FRMD4B: variants seen among roughly 807,000 people sequenced by gnomAD.
The protein encoded by FRMD4B is FERM domain containing 4B.
In FRMD4B, 74 loss-of-function variants were observed where a neutral mutation model predicts 141.5. The ratio of observed to expected loss-of-function variants is 0.52; its 90% CI spans 0.43 to 0.63. The LOEUF is 0.63. Ranked by LOEUF, FRMD4B falls within the 30% of genes least tolerant of loss-of-function variation. The probability of loss-of-function intolerance (pLI) is 0.00; values close to 1 mark genes in which losing one functional copy is unlikely to be tolerated. For missense variants in FRMD4B, 1,366 were observed against 1,253.4 expected (o/e 1.09, Z -1.36); for synonymous variants, 506 against 467.9 (o/e 1.08, Z -1.05).
intron 1 of FRMD4B, among the ~76,000 whole-genome samples, chr3:69,443,479 AC>A: frequency 6.6e-6 from 1 of 152,208 alleles, no homozygotes; most frequent in Non-Finnish European, 1.5e-5. Context: ...TAATTGTCAA[AC>A]CTGAGCAGGA....
intron 11 of FRMD4B, among the ~76,000 whole-genome samples, chr3:69,211,022 CGA>C (rs1491127544): frequency 3.0e-4 from 1 of 3,366 alleles, no homozygotes; most frequent in African/African-American, 5.9e-4. Context: ...AATGCCATCT[CGA>C]AAAAAAAAAA....
chr3:69,298,046 G>T (rs1459745364), intron 4 of FRMD4B, among the ~76,000 whole-genome samples: 3 of 152,142 alleles, frequency 2.0e-5, no homozygotes, highest in Non-Finnish European at 4.4e-5. Flanking sequence ...TATCCTGGGG[G>T]ATATAAACCA....
intron 14 of FRMD4B, 98 bp from the exon 15 acceptor site, chr3:69,195,462 G>T (rs1307989378): frequency 3.3e-6 from 3 of 919,188 alleles, no homozygotes; most frequent in Non-Finnish European, 4.7e-6. Context: ...CTATTAAATG[G>T]TAGTTTATTT....
At chr3:69,329,501 CA>C (rs1702295713) in intron 1 of FRMD4B, among the ~76,000 whole-genome samples, 1 of 147,968 alleles carries the variant, frequency 6.8e-6, no homozygotes, top group Non-Finnish European at 1.5e-5. Flanking sequence ...AGGCATGCAC[CA>C]CCATGCCCAG....
chr3:69,240,918 G>T (rs1350212064), intron 7 of FRMD4B, among the ~76,000 whole-genome samples: 2 of 152,192 alleles, frequency 1.3e-5, no homozygotes, highest in African/African-American at 2.4e-5. Flanking sequence ...TTCATGTCAT[G>T]CTACTTTCTA....
intron 1 of FRMD4B, among the ~76,000 whole-genome samples, chr3:69,483,655 G>A (rs1481000094): frequency 6.6e-6 from 1 of 152,188 alleles, no homozygotes; most frequent in African/African-American, 2.4e-5. Context: ...AGAAGACACA[G>A]AAAACCTGGA....
In FRMD4B at chr3:69,293,880, C is replaced by CAA. The variant is rs10699871; in HGVS notation, c.417-6046_417-6045dup. On this transcript the variant is annotated intron_variant, in intron 4 of 22. Transcript: ENST00000398540. Reference sequence around the variant, plus strand: ...TGGGTGACAGAGCTAGATTCTGCCTCAAAAAAAAAAAAAAAAAAAAAAAAA... The same window carrying CAA: ...TGGGTGACAGAGCTAGATTCTGCCTCAAAAAAAAAAAAAAAAAAAAAAAAAAA... 7.7e-3 allele frequency among the ~76,000 whole-genome samples: 575 copies of CAA among 74,446 alleles called. 55 individuals carry two copies. The highest frequency in any genetic ancestry group is 0.024 in the African/African-American group (404 of 16,772). The allele number at this position is 74,446 out of a possible 152,430, so 48.8% of individuals were successfully genotyped here. A position where few individuals can be genotyped will look rare whatever the true frequency, so the allele number is the denominator to read the frequency against.
At chr3:69,200,016 G>C (rs73835785) in intron 11 of FRMD4B, among the ~76,000 whole-genome samples, 1 of 151,894 alleles carries the variant, frequency 6.6e-6, no homozygotes, top group Non-Finnish European at 1.5e-5. Context: ...ATTAGACTTC[G>C]GCTGGATTTT....
chr3:69,536,185 C>T (rs1701082304), intron 1 of FRMD4B: 1 of 557,750 alleles, frequency 1.8e-6, no homozygotes, highest in East Asian at 3.5e-5. Flanking sequence ...CCTTCTTCAC[C>T]TTGCCCGCGT....
chr3:69,226,335 T>C (rs1365032835), intron 7 of FRMD4B, among the ~76,000 whole-genome samples: 2 of 152,158 alleles, frequency 1.3e-5, no homozygotes, highest in Non-Finnish European at 2.9e-5. Flanking sequence ...CACAATCCAA[T>C]TCATTCATAT....
intron 12 of FRMD4B, 53 bp from the exon 13 acceptor site, chr3:69,197,091 C>G: frequency 6.9e-7 from 1 of 1,454,540 alleles, no homozygotes; most frequent in South Asian, 1.2e-5. Context: ...CAGCATGATG[C>G]AAAATGTACC....
intron 1 of FRMD4B, among the ~76,000 whole-genome samples, chr3:69,509,224 C>T (rs1385739112): frequency 1.3e-5 from 2 of 152,152 alleles, no homozygotes; most frequent in African/African-American, 4.8e-5. Context: ...GAGATTCTGA[C>T]CATTTTATTA....
chr3:69,452,936 C>T (rs539034411), intron 1 of FRMD4B, among the ~76,000 whole-genome samples: 8 of 152,316 alleles, frequency 5.3e-5, no homozygotes, highest in East Asian at 3.9e-4. Context: ...ATATAGCTGA[C>T]GTAAGTTTAT....
intron 7 of FRMD4B, among the ~76,000 whole-genome samples, chr3:69,228,069 C>T (rs1289821773): frequency 6.6e-6 from 1 of 152,208 alleles, no homozygotes; most frequent in Non-Finnish European, 1.5e-5. Flanking sequence ...CCTCAGGGGA[C>T]GTTTAGCAAT....
intron 4 of FRMD4B, among the ~76,000 whole-genome samples, chr3:69,290,889 G>A (rs1575697685): frequency 6.6e-6 from 1 of 152,128 alleles, no homozygotes; most frequent in Non-Finnish European, 1.5e-5. Flanking sequence ...CTGGGCTGCC[G>A]CTCCCAGTTC....
At chr3:69,263,629 C>G (rs1575670204) in intron 5 of FRMD4B, among the ~76,000 whole-genome samples, 3 of 150,338 alleles carry the variant, frequency 2.0e-5, no homozygotes, top group Admixed American at 1.3e-4. Flanking sequence ...CCAGGCTGGT[C>G]TTGAACTCTT....
intron 1 of FRMD4B, among the ~76,000 whole-genome samples, chr3:69,450,069 T>G (rs890536778): frequency 6.6e-6 from 1 of 152,078 alleles, no homozygotes; most frequent in Non-Finnish European, 1.5e-5. Context: ...GCCAGTAAAA[T>G]GGGGAGAACG....
chr3:69,439,416 G>T (rs1412632339), intron 1 of FRMD4B, among the ~76,000 whole-genome samples: 2 of 152,162 alleles, frequency 1.3e-5, no homozygotes, highest in African/African-American at 4.8e-5. Context: ...GTATATGCAG[G>T]AATTTCTCCT....
intron 11 of FRMD4B, among the ~76,000 whole-genome samples, chr3:69,202,271 T>C (rs558107917): frequency 2.2e-4 from 34 of 152,286 alleles, no homozygotes; most frequent in African/African-American, 7.2e-4. Context: ...AATCAAAGTT[T>C]AAAGGAAGAT....
Sources: allele counts gnomAD v4.1 joint callset (sites outside exome capture counted in the v4.1 genomes callset), GRCh38; gene constraint gnomAD v4.1.1; transcripts MANE v1.5; gene names NCBI Gene and HGNC (gene_info 2026-07-23, HGNC 2026-07-21).